The following THRAP3 variants were observed in gnomAD, a reference collection of about 807,000 sequenced individuals.
The protein encoded by THRAP3 is thyroid hormone receptor-associated protein 3.
Under a neutral mutation model 101.0 loss-of-function variants are expected in THRAP3, and 16 were observed. The ratio of observed to expected loss-of-function variants is 0.16; its 90% CI spans 0.11 to 0.24. The LOEUF is 0.24. Ranked by LOEUF, THRAP3 falls within the 10% of genes least tolerant of loss-of-function variation. The pLI is 1.00. For synonymous variants in THRAP3, 407 were observed against 422.6 expected, an observed-to-expected ratio of 0.96 and a Z score of 0.45; for missense variants, 989 against 1,202.7, an observed-to-expected ratio of 0.82 and a Z score of 2.63.
intron 2 of THRAP3, among the ~76,000 whole-genome samples, chr1:36,273,738 C>A (rs780059372): frequency 6.6e-6 from 1 of 152,006 alleles, no homozygotes; most frequent in Non-Finnish European, 1.5e-5. Flanking sequence ...GTTGCAGGTA[C>A]AAGATCAGTA....
chr1:36,248,196 A>AT (rs1240180819), intron 1 of THRAP3, among the ~76,000 whole-genome samples: 1 of 152,000 alleles, frequency 6.6e-6, no homozygotes, highest in East Asian at 1.9e-4. Context: ...ATCTTTTAAT[A>AT]TTTAAAAAAA....
chr1:36,218,475 G>C, the THRAP3 span, among the ~76,000 whole-genome samples: 1 of 147,778 alleles, frequency 6.8e-6, no homozygotes, highest in African/African-American at 2.5e-5. Flanking sequence ...CCAGCACTTT[G>C]GGAGGCCGAG....
chr1:36,222,766 T>C (rs1644911413), upstream of THRAP3, among the ~76,000 whole-genome samples: 1 of 152,198 alleles, frequency 6.6e-6, no homozygotes, highest in Non-Finnish European at 1.5e-5. Context: ...TCCATCTAGT[T>C]TACTACCGTG....
chr1:36,301,847 A>G, intron 11 of THRAP3, 151 bp downstream of exon 11: 1 of 920,242 alleles, frequency 1.1e-6, no homozygotes, highest in Non-Finnish European at 1.6e-6. Context: ...AGTGCTAACT[A>G]GATGGGTGTC....
chr1:36,302,011 A>G (rs1453123342), intron 11 of THRAP3, among the ~76,000 whole-genome samples: 1 of 152,168 alleles, frequency 6.6e-6, no homozygotes, highest in Non-Finnish European at 1.5e-5. Flanking sequence ...ATTTCTGTGG[A>G]TACAGCCATA....
intron 2 of THRAP3, among the ~76,000 whole-genome samples, chr1:36,274,074 TGTCACA>T (rs1470778793): frequency 5.8e-4 from 73 of 126,046 alleles, no homozygotes; most frequent in Middle Eastern, 4.2e-3. Context: ...TGTGTGTGTG[TGTCACA>T]CACACACACA....
chr1:36,248,464 T>G (rs1334212928), intron 1 of THRAP3, among the ~76,000 whole-genome samples: 1 of 148,474 alleles, frequency 6.7e-6, no homozygotes, highest in African/African-American at 2.5e-5. Context: ...TTTTTTTTTT[T>G]TGTGAGACAG....
chr1:36,273,441 A>G (rs890595850), intron 2 of THRAP3, among the ~76,000 whole-genome samples: 12 of 152,246 alleles, frequency 7.9e-5, no homozygotes, highest in African/African-American at 2.4e-4. Context: ...GATAAAGGGC[A>G]TCTATGAAAA....
At position 36,259,372 on chromosome 1, in the gene THRAP3, C is replaced by G. The variant is rs1030265899; in HGVS notation, c.-134-10C>G. The G allele has an allele frequency of 2.5e-6, 1 of 398,442 alleles. No individual in the cohort carries two copies. Among genetic ancestry groups the G allele is most frequent in the African/African-American group, 2.1e-5 (1 of 48,604 alleles). 24.7% of individuals were successfully genotyped at this position (398,442 alleles called of 1,614,324 possible). ...GCCATTTTATCACTACTTATTTTCT[C>G]TCATTTCAGAAGTGTATGCTGACTT... On this transcript the variant is annotated splice_polypyrimidine_tract_variant and intron_variant, in intron 1 of 11. Coordinates refer to ENST00000354618, the MANE Select transcript of THRAP3 (RefSeq NM_005119.4).
intron 1 of THRAP3, among the ~76,000 whole-genome samples, chr1:36,237,821 TTG>T (rs1553191657): frequency 2.6e-5 from 4 of 151,510 alleles, no homozygotes; most frequent in Non-Finnish European, 4.4e-5. Flanking sequence ...TAGGTTTTTT[TTG>T]TGTGTGTGTG....
At chr1:36,243,755 C>T (rs945633925) in intron 1 of THRAP3, among the ~76,000 whole-genome samples, 16 of 147,962 alleles carry the variant, frequency 1.1e-4, no homozygotes, top group African/African-American at 2.7e-4. Context: ...AGGGGCTCCT[C>T]ACTTCCCAGT....
intron 9 of THRAP3, 21 bp from the exon 10 acceptor site, chr1:36,300,865 C>T: frequency 1.9e-6 from 3 of 1,611,690 alleles, no homozygotes; most frequent in Non-Finnish European, 2.5e-6. Context: ...ATTGATCACC[C>T]TGGCTCTTCT....
chr1:36,301,175 G>T, intron 10 of THRAP3, 91 bp downstream of exon 10: 1 of 1,304,246 alleles, frequency 7.7e-7, no homozygotes, highest in East Asian at 2.5e-5. Flanking sequence ...TGTTGCCTTT[G>T]ACATAAGTAA....
intron 1 of THRAP3, among the ~76,000 whole-genome samples, chr1:36,253,760 A>ATTTTTTTTTTATTTTTTTTTTTTTTT (rs1645338003): frequency 1.0e-5 from 1 of 100,236 alleles, no homozygotes; most frequent in African/African-American, 4.2e-5. Flanking sequence ...AGTCAGGCTA[A>ATTTTTTTTTTATTTTTTTTTTTTTTT]TTTTTTTTTT....
At chr1:36,262,421 AAAT>A (rs1645457955) in intron 2 of THRAP3, among the ~76,000 whole-genome samples, 1 of 152,232 alleles carries the variant, frequency 6.6e-6, no homozygotes, top group African/African-American at 2.4e-5. Flanking sequence ...ATATAAAACA[AAAT>A]AAATCTAACA....
chr1:36,257,048 C>T lies in THRAP3; in HGVS notation c.-134-2334C>T, dbSNP rs3951319. Among the ~76,000 whole-genome samples, 1,466 of 152,232 alleles carry T rather than the reference C, an allele frequency of 9.6e-3. 16 individuals are homozygous for T. Among genetic ancestry groups the T allele is most frequent in the African/African-American group, 0.034 (1,404 of 41,532 alleles). ...CCGACCTCAGGTGATCTGCCCGCCT[C>T]GGCCTCCCAAAGTGGTGGGATTACA... is the stretch of plus-strand genomic sequence containing the variant. On this transcript the variant is annotated intron_variant, in intron 1 of 11. Coordinates refer to ENST00000354618, the MANE Select transcript of THRAP3 (RefSeq NM_005119.4).
chr1:36,277,994 C>T (rs1277049492), intron 2 of THRAP3, among the ~76,000 whole-genome samples: 1 of 151,396 alleles, frequency 6.6e-6, no homozygotes, highest in East Asian at 1.9e-4. Flanking sequence ...AACTCCTGAC[C>T]TCAGGTGATC....
Sources: allele counts gnomAD v4.1 joint callset (sites outside exome capture counted in the v4.1 genomes callset), GRCh38; gene constraint gnomAD v4.1.1; transcripts MANE v1.5; gene names NCBI Gene and HGNC (gene_info 2026-07-23, HGNC 2026-07-21).